SLC26A5: variants seen among roughly 807,000 people sequenced by gnomAD.
SLC26A5 encodes the protein prestin.
Under a neutral mutation model 81.0 loss-of-function variants are expected in SLC26A5, and 51 were observed. The ratio of observed to expected loss-of-function variants is 0.63; its 90% CI spans 0.50 to 0.80. The LOEUF (loss-of-function observed/expected upper bound fraction) is 0.80. SLC26A5 is among the 30% of genes least tolerant of loss of function. SLC26A5 has a pLI of 0.00. For synonymous variants in SLC26A5, 325 were observed against 332.8 expected (o/e 0.98, Z 0.25); for missense variants, 771 against 905.8 (o/e 0.85, Z 1.91).
chr7:103,352,985 C>T (rs1402208918), intron 19 of SLC26A5: 3 of 779,796 alleles, frequency 3.8e-6, no homozygotes, highest in Non-Finnish European at 7.2e-6. Context: ...TTTTACCACT[C>T]TGTCTATTTG....
chr7:103,400,882 G>A (rs1166183155), intron 8 of SLC26A5, among the ~76,000 whole-genome samples: 4 of 152,120 alleles, frequency 2.6e-5, no homozygotes, highest in Non-Finnish European at 5.9e-5. Context: ...GATGTGTGGT[G>A]TTATTTCTGA....
At chr7:103,440,059 A>G (rs1826763436) in intron 2 of SLC26A5, among the ~76,000 whole-genome samples, 1 of 152,164 alleles carries the variant, frequency 6.6e-6, no homozygotes, top group East Asian at 1.9e-4. Flanking sequence ...TATCCATAGC[A>G]CTTAACACTA....
At chr7:103,361,271 G>T (rs1820380407) in intron 19 of SLC26A5, among the ~76,000 whole-genome samples, 1 of 151,544 alleles carries the variant, frequency 6.6e-6, no homozygotes, top group Non-Finnish European at 1.5e-5. Context: ...ATCACCTGAG[G>T]TTGGGATTTC....
intron 19 of SLC26A5, chr7:103,368,057 C>A: frequency 3.1e-6 from 5 of 1,594,840 alleles, no homozygotes; most frequent in Non-Finnish European, 4.3e-6. Flanking sequence ...ACAACTGAAC[C>A]CTGAAGGCTT....
chr7:103,401,957 C>T (rs777754775), intron 8 of SLC26A5, among the ~76,000 whole-genome samples: 9 of 152,306 alleles, frequency 5.9e-5, no homozygotes, highest in South Asian at 4.1e-4. Flanking sequence ...ATTCAGTTTG[C>T]CAGTATTTTA....
chr7:103,413,329 G>T (rs1824658611), intron 4 of SLC26A5, among the ~76,000 whole-genome samples: 1 of 152,070 alleles, frequency 6.6e-6, no homozygotes. Flanking sequence ...TTGCCAGTGG[G>T]TGATTTTTTT....
chr7:103,390,907 C>T (rs1260774185), intron 11 of SLC26A5, among the ~76,000 whole-genome samples: 3 of 150,388 alleles, frequency 2.0e-5, no homozygotes, highest in African/African-American at 7.4e-5. Flanking sequence ...CACTCTGTCG[C>T]CAGGATGGAG....
At chr7:103,409,424 T>C (rs1252551726) in intron 7 of SLC26A5, among the ~76,000 whole-genome samples, 4 of 152,264 alleles carry the variant, frequency 2.6e-5, no homozygotes, top group Non-Finnish European at 4.4e-5. Context: ...TCATGGGTCA[T>C]TTAGAAATGT....
chr7:103,385,355 C>T (rs957258419), intron 14 of SLC26A5, among the ~76,000 whole-genome samples: 2 of 152,046 alleles, frequency 1.3e-5, no homozygotes, highest in Admixed American at 6.6e-5. Context: ...AGGATGGTCT[C>T]GATCTCCTGA....
chr7:103,374,676 G>GT lies in SLC26A5; in HGVS notation c.2042-85dup, dbSNP rs556110302. 0.15 allele frequency: 117,666 copies of GT among 792,864 alleles called. 636 individuals are homozygous for GT. Among genetic ancestry groups the GT allele is most frequent in the South Asian group, 0.24 (10,888 of 44,520 alleles). The allele number at this position is 792,864 out of a possible 1,614,324, so 49.1% of individuals were successfully genotyped here. On this transcript the variant is annotated intron_variant, in intron 19 of 19. Coordinates refer to ENST00000306312, the MANE Select transcript of SLC26A5 (RefSeq NM_198999.3). Reference sequence around the variant, plus strand: ...AAAAAAAGTAACACTTCCATATAGTGTTTTTTTTTTTGTTATTGTTTTTTG... The same window carrying GT: ...AAAAAAAGTAACACTTCCATATAGTGTTTTTTTTTTTTGTTATTGTTTTTTG...
intron 4 of SLC26A5, among the ~76,000 whole-genome samples, chr7:103,416,180 T>A (rs189026338): frequency 6.6e-6 from 1 of 152,338 alleles, no homozygotes; most frequent in Admixed American, 6.5e-5. Flanking sequence ...GTTTTTTATT[T>A]TGCCCTGTTA....
In SLC26A5 at chr7:103,437,980, C is replaced by T. The variant is rs916567248; in HGVS notation, c.-54+5103G>A. Among the ~76,000 whole-genome samples, 7 of 152,158 alleles carry T rather than the reference C, an allele frequency of 4.6e-5. No individual in the cohort carries two copies. The South Asian group carries it at 1.2e-3, about 27-fold the overall frequency. ...TAAAATGTAGTTTCAAGTTCTCCTT[C>T]CAAACTCATGTTCTATATGAAGTTC... On this transcript the variant is annotated intron_variant, in intron 2 of 19. Coordinates refer to ENST00000306312, the MANE Select transcript of SLC26A5 (RefSeq NM_198999.3).
chr7:103,425,230 T>A (rs1299092377), intron 2 of SLC26A5, among the ~76,000 whole-genome samples: 3 of 152,210 alleles, frequency 2.0e-5, no homozygotes, highest in Admixed American at 1.3e-4. Context: ...GTATTAAAAG[T>A]TCCCCAGGAC....
intron 2 of SLC26A5, among the ~76,000 whole-genome samples, chr7:103,423,213 A>G (rs919210774): frequency 6.6e-6 from 1 of 152,054 alleles, no homozygotes; most frequent in Non-Finnish European, 1.5e-5. Context: ...CAGAGGTTGC[A>G]GTGAGCTGAG....
intron 1 of SLC26A5, among the ~76,000 whole-genome samples, chr7:103,443,846 T>C (rs939545526): frequency 6.6e-6 from 1 of 152,254 alleles, no homozygotes; most frequent in African/African-American, 2.4e-5. Flanking sequence ...TGACCCGTTC[T>C]GAAGTGAGCT....
chr7:103,374,604 A>C lies in SLC26A5; in HGVS notation c.2042-12T>G. ...ATTCACAACTTGTGCTATTAAAAGA[A>C]GAAAAGAAAATTAGTCCACACTCTG... On this transcript the variant is annotated splice_polypyrimidine_tract_variant and intron_variant, in intron 19 of 19. Transcript: ENST00000306312. The C allele has an allele frequency of 1.2e-6, 2 of 1,613,678 alleles. No homozygotes were observed. Among genetic ancestry groups the C allele is most frequent in the Non-Finnish European group, 1.7e-6 (2 of 1,179,822 alleles).
chr7:103,353,906 T>C (rs12669800), intron 19 of SLC26A5: 1 of 1,599,082 alleles, frequency 6.3e-7, no homozygotes, highest in South Asian at 1.1e-5. Context: ...TCACGTATTG[T>C]CTCTCTTCTT....
chr7:103,414,517 C>T (rs1013922322), intron 4 of SLC26A5, among the ~76,000 whole-genome samples: 5 of 152,140 alleles, frequency 3.3e-5, no homozygotes, highest in African/African-American at 1.2e-4. Flanking sequence ...TGGGATCATA[C>T]AGTATTAAGC....
At chr7:103,380,572 A>G (rs1821696098) in intron 14 of SLC26A5, 23 bp from the exon 15 acceptor site, 14 of 1,606,230 alleles carry the variant, frequency 8.7e-6, no homozygotes, top group Non-Finnish European at 1.1e-5. Flanking sequence ...AGTGTTAAAT[A>G]CCATTGTGTT....
Sources: allele counts gnomAD v4.1 joint callset (sites outside exome capture counted in the v4.1 genomes callset), GRCh38; gene constraint gnomAD v4.1.1; transcripts MANE v1.5; gene names NCBI Gene and HGNC (gene_info 2026-07-23, HGNC 2026-07-21).